BMS1: variants seen among roughly 807,000 people sequenced by gnomAD.
The protein encoded by BMS1 is ribosome biogenesis protein BMS1 homolog.
Under a neutral mutation model 138.7 loss-of-function variants are expected in BMS1, and 53 were observed. The observed-to-expected ratio is 0.38, with a 90% CI of 0.31 to 0.48. BMS1 has a LOEUF of 0.48. Ranked by LOEUF, BMS1 falls within the 20% of genes least tolerant of loss-of-function variation. The pLI, the probability that BMS1 is intolerant of heterozygous loss-of-function variation, is 0.97. For synonymous variants in BMS1, 504 were observed against 539.9 expected, an observed-to-expected ratio of 0.93 and a Z score of 0.92; for missense variants, 1,360 against 1,565.5, an observed-to-expected ratio of 0.87 and a Z score of 2.22.
rs578161014 is a variant in BMS1 at position 42,814,773 on chromosome 10, A to T, written c.2330-1826A>T. Among the ~76,000 whole-genome samples, 11 of 152,068 alleles carry T rather than the reference A, an allele frequency of 7.2e-5. No individual in the cohort carries two copies. In the South Asian group the frequency reaches 2.1e-3, roughly 29 times the overall value. Reference sequence around the variant, plus strand: ...TGTTGCCCACCTGAGGGAACAGGGGAGCTGCCCCAGGCTGGGCCACCTGCT... The same window carrying T: ...TGTTGCCCACCTGAGGGAACAGGGGTGCTGCCCCAGGCTGGGCCACCTGCT... On this transcript the variant is annotated intron_variant, in intron 13 of 22. Coordinates refer to ENST00000374518, the MANE Select transcript of BMS1 (RefSeq NM_014753.4).
Position 42,831,291 on chromosome 10 carries a change from C to A in BMS1, c.*195C>A. Reference sequence around the variant, plus strand: ...GTTCATTCTCATGACTTGGGGCTGTCGAGATTTAAAGTGATGTAAGCTGTG... The same window carrying A: ...GTTCATTCTCATGACTTGGGGCTGTAGAGATTTAAAGTGATGTAAGCTGTG... On this transcript the variant is annotated 3_prime_UTR_variant, in exon 23 of 23. Transcript: ENST00000374518. 3 of 594,762 alleles carry A rather than the reference C, an allele frequency of 5.0e-6. No individual in the cohort carries two copies. The highest frequency in any genetic ancestry group is 2.3e-5 in the South Asian group (1 of 43,774). The allele number at this position is 594,762 out of a possible 1,614,324, so 36.8% of individuals were successfully genotyped here.
At chr10:42,792,643 A>G (rs1841542371) in intron 7 of BMS1, 29 bp downstream of exon 7, 2 of 1,591,258 alleles carry the variant, frequency 1.3e-6, no homozygotes, top group East Asian at 2.2e-5. Flanking sequence ...ACATACTAGA[A>G]TTACACATAG....
At position 42,822,286 on chromosome 10, in the gene BMS1, T is replaced by C. The variant is rs1842523747; in HGVS notation, c.3132+102T>C. ...TGGGCCTCATATTTTTATAAAAGTG[T>C]TTGAAATCTTTTATAAACTTCATAT... On this transcript the variant is annotated intron_variant, in intron 19 of 22. Coordinates refer to ENST00000374518, the MANE Select transcript of BMS1 (RefSeq NM_014753.4). 4 of 640,928 alleles carry C rather than the reference T, an allele frequency of 6.2e-6. No individual in the cohort carries two copies. The South Asian group carries it at 9.8e-5, about 16-fold the overall frequency. The allele number at this position is 640,928 out of a possible 1,614,324, so 39.7% of individuals were successfully genotyped here. A position where few individuals can be genotyped will look rare whatever the true frequency, so the allele number is the denominator to read the frequency against.
chr10:42,790,971 A>C (rs1308112944), intron 5 of BMS1, among the ~76,000 whole-genome samples: 1 of 152,080 alleles, frequency 6.6e-6, no homozygotes, highest in African/African-American at 2.4e-5. Flanking sequence ...GTGTGTTCAC[A>C]GTCTATGGAC....
At chr10:42,805,674 A>G (rs114326832) in intron 13 of BMS1, among the ~76,000 whole-genome samples, 27 of 152,350 alleles carry the variant, frequency 1.8e-4, no homozygotes, top group African/African-American at 6.5e-4. Flanking sequence ...TTTTCAGGAT[A>G]CAGGTCTTAT....
chr10:42,789,329 C>G (rs1047459797), intron 4 of BMS1, among the ~76,000 whole-genome samples: 1 of 152,256 alleles, frequency 6.6e-6, no homozygotes, highest in Non-Finnish European at 1.5e-5. Flanking sequence ...TGCTTTCTCA[C>G]AAGCCCACCT....
At chr10:42,788,313 T>C (rs1841399484) in intron 4 of BMS1, among the ~76,000 whole-genome samples, 2 of 152,178 alleles carry the variant, frequency 1.3e-5, no homozygotes, top group South Asian at 4.1e-4. Context: ...AAGCTTCTAA[T>C]TTTAAAGACA....
intron 21 of BMS1, among the ~76,000 whole-genome samples, chr10:42,824,066 G>A (rs1361902672): frequency 6.6e-6 from 1 of 152,064 alleles, no homozygotes; most frequent in African/African-American, 2.4e-5. Flanking sequence ...GATACATATA[G>A]ATAGTAAACT....
intron 1 of BMS1, 130 bp from the exon 2 acceptor site, chr10:42,784,232 A>C (rs1358277913): frequency 1.6e-6 from 1 of 611,874 alleles, no homozygotes; most frequent in African/African-American, 1.9e-5. Flanking sequence ...AGCAGTTTCT[A>C]CCCTTGTTCA....
intron 4 of BMS1, among the ~76,000 whole-genome samples, chr10:42,788,764 A>G (rs983376598): frequency 1.3e-5 from 2 of 152,212 alleles, no homozygotes; most frequent in African/African-American, 2.4e-5. Flanking sequence ...GGGTGCACAC[A>G]ATGTGCATTT....
At chr10:42,807,971 A>G (rs1842058863) in intron 13 of BMS1, among the ~76,000 whole-genome samples, 1 of 152,222 alleles carries the variant, frequency 6.6e-6, no homozygotes, top group East Asian at 1.9e-4. Flanking sequence ...ACTGTTGTTT[A>G]TTCTAGCTAT....
chr10:42,813,591 G>A (rs886912555), intron 13 of BMS1, among the ~76,000 whole-genome samples: 1 of 152,128 alleles, frequency 6.6e-6, no homozygotes, highest in Non-Finnish European at 1.5e-5. Context: ...TGTTTCAGTT[G>A]TCAAGTGTGA....
chr10:42,784,728 C>T (rs1364824473), intron 2 of BMS1, among the ~76,000 whole-genome samples, 158 bp downstream of exon 2: 2 of 152,148 alleles, frequency 1.3e-5, no homozygotes, highest in East Asian at 1.9e-4. Flanking sequence ...GAAGCTTTTC[C>T]CATAGAAGCT....
intron 21 of BMS1, among the ~76,000 whole-genome samples, chr10:42,825,317 T>G (rs1417162078): frequency 6.6e-6 from 1 of 152,244 alleles, no homozygotes; most frequent in Non-Finnish European, 1.5e-5. Flanking sequence ...AGGATTGTTT[T>G]ATTCTGTTCT....
chr10:42,793,518 AT>A (rs1841579272), intron 8 of BMS1, among the ~76,000 whole-genome samples: 1 of 151,948 alleles, frequency 6.6e-6, no homozygotes, highest in Admixed American at 6.6e-5. Context: ...TCAAATATTT[AT>A]TTCTTTGTTC....
At chr10:42,827,995 A>G (rs916013622) in intron 21 of BMS1, among the ~76,000 whole-genome samples, 2 of 152,192 alleles carry the variant, frequency 1.3e-5, no homozygotes, top group African/African-American at 4.8e-5. Flanking sequence ...TAATGTTTTA[A>G]TAAGCTTTTT....
At chr10:42,830,207 A>G in intron 21 of BMS1, 54 bp from the exon 22 acceptor site, 1 of 1,588,872 alleles carries the variant, frequency 6.3e-7, no homozygotes, top group Non-Finnish European at 8.5e-7. Context: ...CAGAAGTTTT[A>G]AATGCACATT....
At chr10:42,808,815 C>T (rs978092637) in intron 13 of BMS1, among the ~76,000 whole-genome samples, 4 of 152,162 alleles carry the variant, frequency 2.6e-5, no homozygotes, top group Non-Finnish European at 5.9e-5. Context: ...GAGCATCTTT[C>T]TGTGAATCTG....
At chr10:42,819,978 G>A (rs1055214331) in intron 15 of BMS1, among the ~76,000 whole-genome samples, 3 of 152,118 alleles carry the variant, frequency 2.0e-5, no homozygotes, top group African/African-American at 4.8e-5. Context: ...TTTTAGTAGA[G>A]ACGGGGTTTC....
Sources: gnomAD v4.1 joint callset for allele counts (sites outside exome capture counted in the v4.1 genomes callset) on GRCh38, gnomAD v4.1.1 for gene constraint, MANE v1.5 for transcripts, NCBI Gene and HGNC (gene_info 2026-07-23, HGNC 2026-07-21) for gene names.